QTMAN: variants seen among roughly 807,000 people sequenced by gnomAD.
QTMAN encodes queuosine-tRNA mannosyltransferase.
At chr2:144,171,228 C>G in the QTMAN span, among the ~76,000 whole-genome samples, 2 of 152,176 alleles carry the variant, frequency 1.3e-5, no homozygotes, top group Non-Finnish European at 2.9e-5. Context: ...GGCTGCTCCT[C>G]TATGTCCAAC....
chr2:144,132,343 G>A, the QTMAN span, among the ~76,000 whole-genome samples: 2 of 151,974 alleles, frequency 1.3e-5, no homozygotes, highest in East Asian at 3.9e-4. Context: ...AGCCACTCTG[G>A]CTAAGAGATT....
chr2:144,129,618 T>G, the QTMAN span, among the ~76,000 whole-genome samples: 1 of 151,980 alleles, frequency 6.6e-6, no homozygotes, highest in African/African-American at 2.4e-5. Flanking sequence ...TTTCCCAGCA[T>G]TCTAAAATAC....
chr2:144,286,398 T>A, the QTMAN span, among the ~76,000 whole-genome samples: 1 of 152,246 alleles, frequency 6.6e-6, no homozygotes, highest in African/African-American at 2.4e-5. Context: ...AGTAAACTTA[T>A]ATGATAATTT....
the QTMAN span, among the ~76,000 whole-genome samples, chr2:144,274,065 C>T: frequency 2.0e-5 from 3 of 152,018 alleles, no homozygotes. Context: ...ACCCGGGAGG[C>T]AGAGGTTGCA....
At chr2:143,948,276 G>A in the QTMAN span, among the ~76,000 whole-genome samples, 38 of 152,092 alleles carry the variant, frequency 2.5e-4, no homozygotes, top group African/African-American at 8.4e-4. Context: ...ATTAGTTTCC[G>A]GCAGAACTCT....
the QTMAN span, among the ~76,000 whole-genome samples, chr2:144,034,990 G>T: frequency 6.6e-6 from 1 of 152,158 alleles, no homozygotes; most frequent in Non-Finnish European, 1.5e-5. Context: ...AGATAGCATG[G>T]CAACTAATAT....
the QTMAN span, among the ~76,000 whole-genome samples, chr2:144,040,378 AATTT>A: frequency 2.0e-5 from 3 of 151,786 alleles, no homozygotes; most frequent in Non-Finnish European, 4.4e-5. Flanking sequence ...TGACTCTCTT[AATTT>A]ATTTCACCAG....
chr2:143,941,980 G>C, the QTMAN span: 1 of 155,344 alleles, frequency 6.4e-6, no homozygotes, highest in Admixed American at 6.5e-5. Context: ...TCTCATCTGT[G>C]AAATGATATT....
the QTMAN span, among the ~76,000 whole-genome samples, chr2:144,285,271 C>T: frequency 6.6e-6 from 1 of 152,054 alleles, no homozygotes; most frequent in Non-Finnish European, 1.5e-5. Context: ...TTCTAAGTAT[C>T]TAAATATCCT....
chr2:144,101,238 G>T, the QTMAN span, among the ~76,000 whole-genome samples: 4 of 152,116 alleles, frequency 2.6e-5, no homozygotes, highest in Non-Finnish European at 5.9e-5. Flanking sequence ...ATTTTCCAAA[G>T]TTTTATTCAG....
chr2:144,153,833 C>T, the QTMAN span, among the ~76,000 whole-genome samples: 2 of 152,204 alleles, frequency 1.3e-5, no homozygotes, highest in African/African-American at 4.8e-5. Context: ...TAGAAAACCA[C>T]GTATCGTGCA....
chr2:144,090,032 G>A, the QTMAN span, among the ~76,000 whole-genome samples: 1 of 151,786 alleles, frequency 6.6e-6, no homozygotes, highest in Non-Finnish European at 1.5e-5. Flanking sequence ...GACTTATTTC[G>A]GGAATGAAAG....
At chr2:143,988,962 T>A in the QTMAN span, among the ~76,000 whole-genome samples, 4 of 152,256 alleles carry the variant, frequency 2.6e-5, no homozygotes, top group East Asian at 7.7e-4. Context: ...TACTTGAACA[T>A]GTTTTGAAAT....
the QTMAN span, among the ~76,000 whole-genome samples, chr2:143,999,907 T>C: frequency 1.3e-5 from 2 of 152,108 alleles, no homozygotes; most frequent in African/African-American, 4.8e-5. Context: ...TATTCTATTA[T>C]AACAGTACCA....
chr2:143,955,553 A>C, the QTMAN span, among the ~76,000 whole-genome samples: 6 of 152,330 alleles, frequency 3.9e-5, no homozygotes, highest in Non-Finnish European at 8.8e-5. Context: ...CTTAACTAGC[A>C]AGGAATGTAA....
chr2:144,140,891 G>A, the QTMAN span, among the ~76,000 whole-genome samples: 1 of 151,872 alleles, frequency 6.6e-6, no homozygotes, highest in South Asian at 2.1e-4. Context: ...ATTTTGTATG[G>A]GGCAGATTTT....
the QTMAN span, among the ~76,000 whole-genome samples, chr2:144,077,047 AG>A: frequency 7.3e-6 from 1 of 136,154 alleles, no homozygotes; most frequent in African/African-American, 3.2e-5. Flanking sequence ...GAATTCAAAA[AG>A]CCAAAAAAAA....
the QTMAN span, among the ~76,000 whole-genome samples, chr2:144,233,157 C>A: frequency 6.6e-6 from 1 of 152,090 alleles, no homozygotes; most frequent in African/African-American, 2.4e-5. Flanking sequence ...CATAAAAATC[C>A]ATATAATAAA....
chr2:144,051,100 T>C, the QTMAN span, among the ~76,000 whole-genome samples: 1 of 152,214 alleles, frequency 6.6e-6, no homozygotes, highest in Non-Finnish European at 1.5e-5. Flanking sequence ...CCCATTTATT[T>C]CCTCATGACC....
Sources: allele counts gnomAD v4.1 joint callset (sites outside exome capture counted in the v4.1 genomes callset), GRCh38; gene constraint gnomAD v4.1.1; transcripts MANE v1.5; gene names NCBI Gene and HGNC (gene_info 2026-07-23, HGNC 2026-07-21).